Variants in MALT1 observed in about 807,000 individuals in gnomAD.
MALT1 encodes mucosa-associated lymphoid tissue lymphoma translocation protein 1.
Under a neutral mutation model 85.5 loss-of-function variants are expected in MALT1, and 36 were observed. The ratio of observed to expected loss-of-function variants is 0.42; its 90% CI spans 0.32 to 0.56. The LOEUF (loss-of-function observed/expected upper bound fraction) is 0.56. Among genes scored for constraint, MALT1 ranks in the 20% least tolerant of loss-of-function variants. The probability of loss-of-function intolerance (pLI) is 0.10; values close to 1 mark genes in which losing one functional copy is unlikely to be tolerated. For synonymous variants in MALT1, 359 were observed against 361.3 expected (o/e 0.99, Z 0.07); for missense variants, 716 against 981.6 (o/e 0.73, Z 3.62).
chr18:58,698,115 G>A (rs984694318), intron 3 of MALT1, among the ~76,000 whole-genome samples: 3 of 146,846 alleles, frequency 2.0e-5, no homozygotes, highest in Non-Finnish European at 4.5e-5. Flanking sequence ...TCGCCAGGCT[G>A]GAGTGCAGTG....
intron 9 of MALT1, among the ~76,000 whole-genome samples, chr18:58,716,633 A>T (rs1009213977): frequency 6.6e-6 from 1 of 152,356 alleles, no homozygotes; most frequent in South Asian, 2.1e-4. Flanking sequence ...TGGGAATTTA[A>T]ACATGGATAC....
At chr18:58,743,383 A>G (rs2055327882) in intron 14 of MALT1, among the ~76,000 whole-genome samples, 1 of 152,222 alleles carries the variant, frequency 6.6e-6, no homozygotes, top group Non-Finnish European at 1.5e-5. Context: ...TCTCAAAAAA[A>G]GAATTTATTC....
intron 2 of MALT1, among the ~76,000 whole-genome samples, chr18:58,691,915 G>A (rs1426674599): frequency 4.0e-5 from 6 of 150,440 alleles, no homozygotes; most frequent in Admixed American, 2.6e-4. Flanking sequence ...ATGGTGGCAC[G>A]TGCCTGTAAT....
At chr18:58,693,904 A>G (rs2054550073) in intron 2 of MALT1, among the ~76,000 whole-genome samples, 2 of 152,204 alleles carry the variant, frequency 1.3e-5, no homozygotes, top group Non-Finnish European at 1.5e-5. Context: ...CATTGTTGCA[A>G]CTTTTTCCTG....
In MALT1 at chr18:58,741,798, T is replaced by C. The variant is rs2055304805; in HGVS notation, c.1604-67T>C. 3.5e-5 allele frequency: 34 copies of C among 974,088 alleles called. 2 individuals carry two copies. In the South Asian group the frequency reaches 8.0e-4, roughly 23 times the overall value. 60.3% of individuals were successfully genotyped at this position (974,088 alleles called of 1,614,324 possible). ...TAACCTGATAATGTAGGATAGTTCT[T>C]AGCCTAAATATTTAAAACATAAGAA... On this transcript the variant is annotated intron_variant, in intron 13 of 16. Coordinates refer to ENST00000649217, the MANE Select transcript of MALT1 (RefSeq NM_006785.4).
At position 58,749,879 on chromosome 18, in the gene MALT1, GT is replaced by G. The variant is rs997342649; in HGVS notation, c.*2041del. The G allele has an allele frequency of 2.4e-5, 5 of 211,184 alleles. No individual in the cohort carries two copies. The highest frequency in any genetic ancestry group is 4.8e-5 in the Non-Finnish European group (5 of 104,062). The allele number at this position is 211,184 out of a possible 1,614,324, so 13.1% of individuals were successfully genotyped here. ...CATGGTGATAGACTGAAGGCTGAAT[GT>G]TTTCCCCTTAAGATTGGGAAGAAGG... On this transcript the variant is annotated 3_prime_UTR_variant, in exon 17 of 17. Transcript: ENST00000649217.
Position 58,749,624 on chromosome 18 carries a change from T to A in MALT1, c.*1782T>A, listed in dbSNP as rs572468127. On this transcript the variant is annotated 3_prime_UTR_variant, in exon 17 of 17. Coordinates refer to ENST00000649217, the MANE Select transcript of MALT1 (RefSeq NM_006785.4). ...AGTGCCACGGATATCAATTTGAGGG[T>A]TATAAATTTTAGCAAGTTGGTAAAT... is the stretch of plus-strand genomic sequence containing the variant. 2 of 219,640 alleles carry A rather than the reference T, an allele frequency of 9.1e-6. No homozygotes were observed. The highest frequency in any genetic ancestry group is 1.2e-4 in the Admixed American group (2 of 17,294). The allele number at this position is 219,640 out of a possible 1,614,324, so 13.6% of individuals were successfully genotyped here.
At chr18:58,714,784 CAAT>C (rs1226850523) in intron 8 of MALT1, among the ~76,000 whole-genome samples, 6 of 126,514 alleles carry the variant, frequency 4.7e-5, no homozygotes, top group African/African-American at 1.5e-4. Context: ...TTCTGAAAGA[CAAT>C]GATGGAACCT....
Position 58,671,870 on chromosome 18 carries a change from G to A in MALT1, c.209+18G>A. The A allele has an allele frequency of 8.2e-7, 1 of 1,215,324 alleles. No homozygotes were observed. Among genetic ancestry groups the A allele is most frequent in the Non-Finnish European group, 1.0e-6 (1 of 977,276 alleles). 75.3% of individuals were successfully genotyped at this position (1,215,324 alleles called of 1,614,324 possible). A position where few individuals can be genotyped will look rare whatever the true frequency, so the allele number is the denominator to read the frequency against. ...CGCCTCAGGTGAGCTCAGGGCCGCGGCAGGCCGGGCGCGCGGGTCGAGCGG... is the reference window on the plus strand; with the variant it reads ...CGCCTCAGGTGAGCTCAGGGCCGCGACAGGCCGGGCGCGCGGGTCGAGCGG... On this transcript the variant is annotated intron_variant, in intron 1 of 16. Transcript: ENST00000649217.
In MALT1 at chr18:58,748,844, C is replaced by G. The variant is rs1250594096; in HGVS notation, c.*1002C>G. On this transcript the variant is annotated 3_prime_UTR_variant, in exon 17 of 17. Transcript: ENST00000649217. ...AGATGGCTGCATTGTTGAATTCTGC[C>G]AAACATTAAAATTAGCACTAATTTT... 2 of 204,420 alleles carry G rather than the reference C, an allele frequency of 9.8e-6. No homozygotes were observed. Among genetic ancestry groups the G allele is most frequent in the Non-Finnish European group, 2.0e-5 (2 of 99,848 alleles). The allele number at this position is 204,420 out of a possible 1,614,324, so 12.7% of individuals were successfully genotyped here.
chr18:58,689,494 A>AC (rs2054463168), intron 2 of MALT1, among the ~76,000 whole-genome samples: 1 of 152,236 alleles, frequency 6.6e-6, no homozygotes, highest in Non-Finnish European at 1.5e-5. Flanking sequence ...TTGAACACCC[A>AC]CTAACACCCA....
intron 4 of MALT1, among the ~76,000 whole-genome samples, chr18:58,708,228 T>C (rs117808556): frequency 1.4e-3 from 209 of 152,310 alleles, no homozygotes; most frequent in Middle Eastern, 3.4e-3. Context: ...CTCTCCTCCT[T>C]CGCCTTCTGC....
intron 14 of MALT1, among the ~76,000 whole-genome samples, chr18:58,742,564 G>A (rs574732070): frequency 7.9e-5 from 12 of 152,178 alleles, no homozygotes; most frequent in African/African-American, 2.4e-4. Context: ...AAAAGTTAGC[G>A]GGGTGTGGTG....
Position 58,696,503 on chromosome 18 carries a change from T to C in MALT1, c.498+16T>C, listed in dbSNP as rs2054591054. ...GAATAAAGAGGTAATTTTTTAAATA[T>C]ATCTTTTAATTCTTCCAAGGAGAGA... On this transcript the variant is annotated intron_variant, in intron 3 of 16. Transcript: ENST00000649217. The C allele has an allele frequency of 2.0e-6, 3 of 1,528,606 alleles. No homozygotes were observed. Among genetic ancestry groups the C allele is most frequent in the Non-Finnish European group, 1.8e-6 (2 of 1,125,528 alleles). The allele number at this position is 1,528,606 out of a possible 1,614,324, so 94.7% of individuals were successfully genotyped here.
rs939684037 is a variant in MALT1, at chr18:58,752,443, C to A, written c.*4601C>A. 3 of 152,142 alleles carry A rather than the reference C, an allele frequency of 2.0e-5. No individual in the cohort carries two copies. Among genetic ancestry groups the A allele is most frequent in the African/African-American group, 7.2e-5 (3 of 41,424 alleles). The allele number at this position is 152,142 out of a possible 1,614,324, so 9.4% of individuals were successfully genotyped here. A position where few individuals can be genotyped will look rare whatever the true frequency, so the allele number is the denominator to read the frequency against. On this transcript the variant is annotated 3_prime_UTR_variant, in exon 17 of 17. Transcript: ENST00000649217. ...ATTTACACATTACTTTTGTGCATTTCATCCTGTTTCTCAGTTTGACATTGT... is the reference window on the plus strand; with the variant it reads ...ATTTACACATTACTTTTGTGCATTTAATCCTGTTTCTCAGTTTGACATTGT...
At position 58,751,651 on chromosome 18, in the gene MALT1, C is replaced by T. The variant is rs149321795; in HGVS notation, c.*3809C>T. On this transcript the variant is annotated 3_prime_UTR_variant, in exon 17 of 17. Transcript: ENST00000649217. ...TTGTAATATTAAAGTAGGATTTACACAAGTGGAATTTAGAAAAGATGATAA... is the reference window on the plus strand; with the variant it reads ...TTGTAATATTAAAGTAGGATTTACATAAGTGGAATTTAGAAAAGATGATAA... 3.3e-5 allele frequency: 5 copies of T among 152,138 alleles called. No homozygotes were observed. Among genetic ancestry groups the T allele is most frequent in the African/African-American group, 1.2e-4 (5 of 41,498 alleles). 9.4% of individuals were successfully genotyped at this position (152,138 alleles called of 1,614,324 possible).
intron 7 of MALT1, among the ~76,000 whole-genome samples, chr18:58,712,815 A>T (rs1276716835): frequency 6.6e-6 from 1 of 152,180 alleles, no homozygotes; most frequent in Non-Finnish European, 1.5e-5. Context: ...TTATGTATGA[A>T]TGAAAAAAAG....
At position 58,704,988 on chromosome 18, in the gene MALT1, C is replaced by T. The variant is rs767343497; in HGVS notation, c.650-4390C>T. 6.7e-5 allele frequency among the ~76,000 whole-genome samples: 10 copies of T among 149,546 alleles called. 1 individual carries two copies. Among genetic ancestry groups the T allele is most frequent in the Non-Finnish European group, 7.4e-5 (5 of 67,338 alleles). ...TAGTCTCATCTGTTCTCTTTTGATC[C>T]TCCTTTCCTGACCTCTTTTGGACTG... is the stretch of plus-strand genomic sequence containing the variant. On this transcript the variant is annotated intron_variant, in intron 4 of 16. Coordinates refer to ENST00000649217, the MANE Select transcript of MALT1 (RefSeq NM_006785.4).
rs1241531640 is a variant in MALT1, at chr18:58,750,824, TAGAC to T, written c.*2984_*2987del. 5 of 152,298 alleles carry T rather than the reference TAGAC, an allele frequency of 3.3e-5. No individual in the cohort carries two copies. Among genetic ancestry groups the T allele is most frequent in the Middle Eastern group, 3.4e-3 (1 of 294 alleles). The allele number at this position is 152,298 out of a possible 1,614,324, so 9.4% of individuals were successfully genotyped here. On this transcript the variant is annotated 3_prime_UTR_variant, in exon 17 of 17. Transcript: ENST00000649217. ...GATGTTGGGCTTAGGAATGGTTTCT[TAGAC>T]ATAATACCAAAAGCACAAGCAACAA... is the stretch of plus-strand genomic sequence containing the variant.
Sources: allele counts gnomAD v4.1 joint callset (sites outside exome capture counted in the v4.1 genomes callset), GRCh38; gene constraint gnomAD v4.1.1; transcripts MANE v1.5; gene names NCBI Gene and HGNC (gene_info 2026-07-23, HGNC 2026-07-21).